The following PTN variants were observed in gnomAD, a reference collection of about 807,000 sequenced individuals.
PTN encodes the protein pleiotrophin.
PTN carries 18 observed loss-of-function variants against 24.1 expected under a neutral mutation model. The observed-to-expected ratio is 0.75, with a 90% CI of 0.52 to 1.11. PTN has a LOEUF of 1.11. PTN is among the 50% of genes least tolerant of loss of function. PTN has a pLI of 0.00. For missense variants in PTN, 163 were observed against 198.8 expected (o/e 0.82, Z 1.08); for synonymous variants, 78 against 68.6 (o/e 1.14, Z -0.67).
chr7:137,258,477 C>T (rs1350385246), intron 1 of PTN, among the ~76,000 whole-genome samples: 1 of 152,116 alleles, frequency 6.6e-6, no homozygotes, highest in African/African-American at 2.4e-5. Context: ...TCTTCTCAGC[C>T]TCTTCTCCCC....
At chr7:137,293,578 T>A (rs767007610) in intron 1 of PTN, among the ~76,000 whole-genome samples, 4 of 152,132 alleles carry the variant, frequency 2.6e-5, no homozygotes, top group Admixed American at 6.6e-5. Context: ...CTCAGCATCA[T>A]AAAGATGGCA....
At chr7:137,324,073 G>C (rs1045119385) in intron 1 of PTN, among the ~76,000 whole-genome samples, 1 of 152,042 alleles carries the variant, frequency 6.6e-6, no homozygotes, top group East Asian at 1.9e-4. Flanking sequence ...TGTAGAGGCT[G>C]GTCTAGAACA....
intron 1 of PTN, among the ~76,000 whole-genome samples, chr7:137,295,597 A>G (rs1318859475): frequency 2.0e-5 from 3 of 152,144 alleles, no homozygotes; most frequent in African/African-American, 7.2e-5. Context: ...TATAAAGTAT[A>G]TCATTCACAA....
At chr7:137,269,146 T>C (rs1208394398) in intron 1 of PTN, among the ~76,000 whole-genome samples, 1 of 152,108 alleles carries the variant, frequency 6.6e-6, no homozygotes, top group Non-Finnish European at 1.5e-5. Flanking sequence ...GCTTTTCTAA[T>C]TTCACAAAAT....
chr7:137,314,333 A>G (rs1424242833), intron 1 of PTN, among the ~76,000 whole-genome samples: 2 of 152,270 alleles, frequency 1.3e-5, no homozygotes, highest in East Asian at 3.9e-4. Flanking sequence ...ACTTTGTTCC[A>G]TGTACTACAG....
At chr7:137,281,234 TA>T (rs1809468965) in intron 1 of PTN, among the ~76,000 whole-genome samples, 1 of 151,288 alleles carries the variant, frequency 6.6e-6, no homozygotes, top group Non-Finnish European at 1.5e-5. Context: ...GTGCCAACTA[TA>T]AGGGGGCTGG....
intron 1 of PTN, among the ~76,000 whole-genome samples, chr7:137,307,893 G>A (rs994296016): frequency 2.0e-5 from 3 of 152,076 alleles, no homozygotes; most frequent in Non-Finnish European, 2.9e-5. Context: ...CTACTCCTGC[G>A]CTTGTTCCAT....
At chr7:137,325,283 T>A in intron 1 of PTN, 1 of 152,196 alleles carries the variant, frequency 6.6e-6, no homozygotes, top group East Asian at 1.9e-4. Context: ...CCAGACAATA[T>A]TTACTTCCTG....
At chr7:137,273,834 AAGGGGTC>A (rs1038905808) in intron 1 of PTN, among the ~76,000 whole-genome samples, 81 of 152,240 alleles carry the variant, frequency 5.3e-4, no homozygotes, top group African/African-American at 1.8e-3. Context: ...AGTTACCACC[AAGGGGTC>A]AGCTGCCATA....
chr7:137,323,780 G>T (rs750813204), intron 1 of PTN, among the ~76,000 whole-genome samples: 3 of 152,162 alleles, frequency 2.0e-5, no homozygotes, highest in Non-Finnish European at 4.4e-5. Flanking sequence ...GGGCCAGATT[G>T]CTGGCCCTAC....
chr7:137,305,053 G>A lies in PTN; in HGVS notation c.-2+38386C>T, dbSNP rs376233522. Among the ~76,000 whole-genome samples, 12 of 152,090 alleles carry A rather than the reference G, an allele frequency of 7.9e-5. No individual in the cohort carries two copies. In the South Asian group the frequency reaches 1.2e-3, roughly 16 times the overall value. ...CCAAACCACAACATAAGAAAGTGAC[G>A]CAAATCAGACTAGCCAATGTCCTCA... is the stretch of plus-strand genomic sequence containing the variant. On this transcript the variant is annotated intron_variant, in intron 1 of 4. Coordinates refer to ENST00000348225, the MANE Select transcript of PTN (RefSeq NM_002825.7).
intron 4 of PTN, among the ~76,000 whole-genome samples, chr7:137,239,611 T>C (rs987858335): frequency 6.6e-6 from 1 of 151,652 alleles, no homozygotes; most frequent in African/African-American, 2.4e-5. Context: ...CCATGTGATC[T>C]CATTGTTCAA....
At chr7:137,316,958 T>A (rs1244972250) in intron 1 of PTN, among the ~76,000 whole-genome samples, 1 of 152,172 alleles carries the variant, frequency 6.6e-6, no homozygotes, top group Non-Finnish European at 1.5e-5. Context: ...CTGCTCACAA[T>A]TAACTGCTTT....
At chr7:137,238,375 A>T (rs1808561349) in intron 4 of PTN, among the ~76,000 whole-genome samples, 2 of 152,200 alleles carry the variant, frequency 1.3e-5, no homozygotes, top group Admixed American at 1.3e-4. Context: ...CAAGGAACAT[A>T]GCTGCTTTAA....
At chr7:137,281,007 T>C (rs1318669936) in intron 1 of PTN, among the ~76,000 whole-genome samples, 2 of 152,054 alleles carry the variant, frequency 1.3e-5, no homozygotes, top group East Asian at 1.9e-4. Context: ...GGAGTCTTAA[T>C]GAAATTGTGA....
At chr7:137,288,694 CATTT>C (rs1257912176) in intron 1 of PTN, among the ~76,000 whole-genome samples, 2 of 152,088 alleles carry the variant, frequency 1.3e-5, no homozygotes, top group African/African-American at 4.8e-5. Context: ...TGGAAATAAA[CATTT>C]ATTTGGGGGG....
intron 1 of PTN, among the ~76,000 whole-genome samples, chr7:137,305,895 T>G (rs186048915): frequency 2.6e-5 from 4 of 152,184 alleles, no homozygotes; most frequent in Admixed American, 2.6e-4. Flanking sequence ...TAATCAGAGA[T>G]TCTATCCATT....
chr7:137,340,529 G>A (rs530135480), intron 1 of PTN, among the ~76,000 whole-genome samples: 1 of 152,278 alleles, frequency 6.6e-6, no homozygotes, highest in African/African-American at 2.4e-5. Flanking sequence ...TTCCACTTAA[G>A]CCAATTGACT....
chr7:137,264,693 G>T (rs960075439), intron 1 of PTN, among the ~76,000 whole-genome samples: 1 of 152,170 alleles, frequency 6.6e-6, no homozygotes, highest in Non-Finnish European at 1.5e-5. Context: ...AAACTTCGAC[G>T]GTTATGCAGG....
Sources: gnomAD v4.1 joint callset for allele counts (sites outside exome capture counted in the v4.1 genomes callset) on GRCh38, gnomAD v4.1.1 for gene constraint, MANE v1.5 for transcripts, NCBI Gene and HGNC (gene_info 2026-07-23, HGNC 2026-07-21) for gene names.